The following UBA7 variants were observed in gnomAD, a reference collection of about 807,000 sequenced individuals.
UBA7 encodes ubiquitin-like modifier-activating enzyme 7.
UBA7 carries 88 observed loss-of-function variants against 113.0 expected under a neutral mutation model. The ratio of observed to expected loss-of-function variants is 0.78; its 90% CI spans 0.66 to 0.93. UBA7 has a LOEUF of 0.93. Among genes scored for constraint, UBA7 ranks in the 40% least tolerant of loss-of-function variants. UBA7 has a pLI of 0.00. For synonymous variants in UBA7, 459 were observed against 513.0 expected (o/e 0.89, Z 1.42); for missense variants, 1,092 against 1,266.4 (o/e 0.86, Z 2.09).
chr3:49,809,142 G>A lies in UBA7; in HGVS notation c.2181C>T (p.Tyr727=), dbSNP rs748462724. ...FDTNQDTHLL[Y]VLAAANLYAQ... ...CATACAGGTTGGCAGCTGCCAGTACGTAGAGGAGGTGTGTGTCCTGCAGCC... is the reference window on the plus strand; with the variant it reads ...CATACAGGTTGGCAGCTGCCAGTACATAGAGGAGGTGTGTGTCCTGCAGCC... Residue 727 remains tyrosine (Y), a synonymous_variant, in exon 18 of 24, where the codon TAC becomes TAT. Transcript: ENST00000333486. 1.3e-5 allele frequency: 21 copies of A among 1,612,096 alleles called. No individual in the cohort carries two copies. Among genetic ancestry groups the A allele is most frequent in the Middle Eastern group, 1.7e-4 (1 of 6,032 alleles).
At position 49,813,036 on chromosome 3, in the gene UBA7, T is replaced by C. The variant is rs375902482; in HGVS notation, c.467+26A>G. 4.8e-5 allele frequency: 77 copies of C among 1,605,606 alleles called. No homozygotes were observed. In the African/African-American group the frequency reaches 7.2e-4, roughly 15 times the overall value. ...AGGCCAGTTGCTGGCTGTAATATGG[T>C]AGGCTGGGCAGGCAGTCTTACTCAC... On this transcript the variant is annotated intron_variant, in intron 4 of 23. Coordinates refer to ENST00000333486, the MANE Select transcript of UBA7 (RefSeq NM_003335.3).
At chr3:49,809,251 C>T in intron 17 of UBA7, 92 bp from the exon 18 acceptor site, 1 of 1,537,472 alleles carries the variant, frequency 6.5e-7, no homozygotes, top group Non-Finnish European at 8.8e-7. Flanking sequence ...CCTGCCTTTG[C>T]CTCACATGTA....
rs765469809 is a variant in UBA7, at chr3:49,812,692, T to C, written c.514A>G (p.Thr172Ala). 2.6e-5 allele frequency: 42 copies of C among 1,614,016 alleles called. No individual in the cohort carries two copies. Among genetic ancestry groups the C allele is most frequent in the Non-Finnish European group, 3.4e-5 (40 of 1,180,036 alleles). ...FGEDFTVQDP[T>A]EAEPLTAAIQ... ...GCAGCTGTCAGGGGTTCTGCCTCTG[T>C]GGGGTCCTGCACAGTGAAGTCCTCA... Residue 172 changes from threonine (T) to alanine (A), a missense_variant, in exon 5 of 24, where the codon ACA becomes GCA. Thr to Ala is a moderately conservative substitution (Grantham distance 58). Coordinates refer to ENST00000333486, the MANE Select transcript of UBA7 (RefSeq NM_003335.3).
In UBA7 at chr3:49,810,095, G is replaced by A; in HGVS notation, c.1722C>T (p.Phe574=). ...TGTAGGCCTCAGTCACATGTGGCAT[G>A]AATACTGTAGCACTGCCCCAGGTGC... ...TSGTWGSATV[F]MPHVTEAYRA... The change falls in exon 14 of 24, where the codon TTC becomes TTT. Residue 574 remains phenylalanine, a synonymous_variant. Coordinates refer to ENST00000333486, the MANE Select transcript of UBA7 (RefSeq NM_003335.3). This position sits in a 1 kb window ranked among gnomAD's most constrained non-coding sequence, Gnocchi z 5.6. 6.2e-7 allele frequency: 1 copy of A among 1,612,994 alleles called. No individual in the cohort carries two copies. The highest frequency in any genetic ancestry group is 2.2e-5 in the East Asian group (1 of 44,878).
At chr3:49,806,205 C>A (rs774605010) in intron 21 of UBA7, 40 bp from the exon 22 acceptor site, 3 of 1,502,600 alleles carry the variant, frequency 2.0e-6, no homozygotes, top group African/African-American at 2.8e-5. Flanking sequence ...CTTCTTACCT[C>A]CCCCCAACCC....
At chr3:49,806,277 A>T in intron 21 of UBA7, 112 bp from the exon 22 acceptor site, 1,179 of 612,944 alleles carry the variant, frequency 1.9e-3, no homozygotes, top group East Asian at 3.6e-3. Context: ...AACAGGAGCC[A>T]GGGGGTGGGG....
Position 49,811,101 on chromosome 3 carries a change from G to A in UBA7, c.1123-10C>T. ...ACTTCCTGGAGATTGCCTAGGGGCAGCACTTCAGGCTGGGCACTCCTGCCA... is the reference window on the plus strand; with the variant it reads ...ACTTCCTGGAGATTGCCTAGGGGCAACACTTCAGGCTGGGCACTCCTGCCA... On this transcript the variant is annotated splice_polypyrimidine_tract_variant and intron_variant, in intron 9 of 23. Coordinates refer to ENST00000333486, the MANE Select transcript of UBA7 (RefSeq NM_003335.3). 1 of 1,613,426 alleles carries A rather than the reference G, an allele frequency of 6.2e-7. No individual in the cohort carries two copies. The highest frequency in any genetic ancestry group is 1.7e-4 in the Middle Eastern group (1 of 6,056).
chr3:49,811,386 GT>G lies in UBA7; in HGVS notation c.1008del (p.Leu337TrpfsTer9). ...LEPLKRTEEE[P>X]LEEPLDEALV... ...AGGGCCTCATCCAGTGGCTCTTCCAGTGGCTCTTCCTCTGTCCGCTTCAGTG... is the reference window on the plus strand; with the variant it reads ...AGGGCCTCATCCAGTGGCTCTTCCAGGGCTCTTCCTCTGTCCGCTTCAGTG... On this transcript the variant is annotated frameshift_variant, in exon 9 of 24. Coordinates refer to ENST00000333486, the MANE Select transcript of UBA7 (RefSeq NM_003335.3). LOFTEE classifies it high-confidence loss of function. 6.8e-6 allele frequency: 11 copies of G among 1,613,504 alleles called. No individual in the cohort carries two copies. The highest frequency in any genetic ancestry group is 9.3e-6 in the Non-Finnish European group (11 of 1,179,764).
chr3:49,810,746 G>A lies in UBA7; in HGVS notation c.1311+6C>T. Reference sequence around the variant, plus strand: ...AAGGCACCCCCAGTCTCACCCCACAGCTCACCAGGAGGTAGTGCTGGCGTC... The same window carrying A: ...AAGGCACCCCCAGTCTCACCCCACAACTCACCAGGAGGTAGTGCTGGCGTC... On this transcript the variant is annotated splice_donor_region_variant and intron_variant, in intron 11 of 23. Transcript: ENST00000333486. The surrounding 1 kb of genome is among the most constrained non-coding windows in gnomAD (Gnocchi z 5.6). The A allele has an allele frequency of 6.2e-7, 1 of 1,614,140 alleles. No homozygotes were observed. Among genetic ancestry groups the A allele is most frequent in the Non-Finnish European group, 8.5e-7 (1 of 1,180,010 alleles).
chr3:49,806,276 C>G (rs1488550551), intron 21 of UBA7, 111 bp from the exon 22 acceptor site: 2 of 974,328 alleles, frequency 2.1e-6, no homozygotes, highest in East Asian at 2.6e-5. Context: ...AAACAGGAGC[C>G]AGGGGGTGGG....
At position 49,809,734 on chromosome 3, in the gene UBA7, A is replaced by T; in HGVS notation, c.1905-9T>A. On this transcript the variant is annotated splice_polypyrimidine_tract_variant and intron_variant, in intron 15 of 23. Transcript: ENST00000333486. ...CCAGGGAAGTGTGTGCCCTGCAGAG[A>T]GAGGAGGAAGTGTGAGACTGAGTCC... 1.2e-6 allele frequency: 2 copies of T among 1,614,000 alleles called. No individual in the cohort carries two copies. The highest frequency in any genetic ancestry group is 2.7e-5 in the African/African-American group (2 of 74,992).
chr3:49,813,740 T>G lies in UBA7; in HGVS notation c.48A>C (p.Ser16=). Residue 16 remains serine (S), a synonymous_variant, in exon 1 of 24, where the codon TCA becomes TCC. Transcript: ENST00000333486. ...ASKLLDEELY[S]RQLYVLGSPA... The stretch of plus-strand genomic sequence containing the variant: ...CCCACCTCGGGCCTCACAGCTGTCT[T>G]GAATACAGCTCCTCATCCAGTAGCT... 6.2e-7 allele frequency: 1 copy of G among 1,614,230 alleles called. No homozygotes were observed. Among genetic ancestry groups the G allele is most frequent in the Non-Finnish European group, 8.5e-7 (1 of 1,180,036 alleles).
rs1235621464 is a variant in UBA7, at chr3:49,809,636, T to G, written c.1994A>C (p.Asn665Thr). ...VLGVLRVRPQNWQDCVAWALG... is the reference protein window; with the variant it reads ...VLGVLRVRPQTWQDCVAWALG... ...AGCCCACGCCACACAGTCTTGCCAGTTCTGTGGACGCACTCTCAGGACCCC... is the reference window on the plus strand; with the variant it reads ...AGCCCACGCCACACAGTCTTGCCAGGTCTGTGGACGCACTCTCAGGACCCC... The change falls in exon 16 of 24, where the codon AAC becomes ACC. Residue 665 changes from asparagine to threonine, a missense_variant. This residue lies in a region of UBA7 where 500 missense variants were observed against 529.3 expected (regional missense o/e 0.94). Transcript: ENST00000333486. The G allele has an allele frequency of 1.9e-6, 3 of 1,614,092 alleles. No homozygotes were observed. The highest frequency in any genetic ancestry group is 2.5e-6 in the Non-Finnish European group (3 of 1,180,038).
rs765757956 is a variant in UBA7 at position 49,810,993 on chromosome 3, G to A, written c.1221C>T (p.Asp407=). The change falls in exon 10 of 24, where the codon GAC becomes GAT. Residue 407 remains aspartate, a synonymous_variant. Transcript: ENST00000333486. This position sits in a 1 kb window ranked among gnomAD's most constrained non-coding sequence, Gnocchi z 5.6. The stretch of plus-strand genomic sequence containing the variant: ...TATCCCAGGCTCTCACCAGGGCACA[G>A]TCCTCAGGACTGGGAAGGAGCTCCC... ...EDGELLPSPE[D]CALRGSRYDG... 1 of 1,614,158 alleles carries A rather than the reference G, an allele frequency of 6.2e-7. No individual in the cohort carries two copies. Among genetic ancestry groups the A allele is most frequent in the Non-Finnish European group, 8.5e-7 (1 of 1,180,012 alleles).
intron 14 of UBA7, 41 bp from the exon 15 acceptor site, chr3:49,809,920 C>T: frequency 6.2e-7 from 1 of 1,614,152 alleles, no homozygotes; most frequent in South Asian, 1.1e-5. Context: ...AGGTGGAGAA[C>T]AGGTCTGCAG....
Position 49,809,967 on chromosome 3 carries a change from G to T in UBA7, c.1839+11C>A, listed in dbSNP as rs191072140. 9.9e-4 allele frequency: 1,603 copies of T among 1,613,976 alleles called. 3 individuals carry two copies. The highest frequency in any genetic ancestry group is 1.1e-3 in the Non-Finnish European group (1,265 of 1,179,960). Reference sequence around the variant, plus strand: ...GCTGGGTGGGGTGGGAGTCTCCAGGGTGCTTCCTACCTGCAGGGTGTGCTC... The same window carrying T: ...GCTGGGTGGGGTGGGAGTCTCCAGGTTGCTTCCTACCTGCAGGGTGTGCTC... On this transcript the variant is annotated intron_variant, in intron 14 of 23. Coordinates refer to ENST00000333486, the MANE Select transcript of UBA7 (RefSeq NM_003335.3).
chr3:49,808,016 T>C lies in UBA7; in HGVS notation c.2523+4A>G. On this transcript the variant is annotated splice_donor_region_variant and intron_variant, in intron 20 of 23. Transcript: ENST00000333486. The stretch of plus-strand genomic sequence containing the variant: ...CAGGCCCAAGCCTCAAGGGGTGGGG[T>C]TACCTGGGCACGGTTGACCGGTGGA... 1.2e-6 allele frequency: 2 copies of C among 1,614,072 alleles called. No individual in the cohort carries two copies. The highest frequency in any genetic ancestry group is 1.7e-5 in the Admixed American group (1 of 60,002).
intron 6 of UBA7, 63 bp from the exon 7 acceptor site, chr3:49,812,269 C>T: frequency 6.2e-7 from 1 of 1,611,282 alleles, no homozygotes; most frequent in South Asian, 1.1e-5. Flanking sequence ...ACACCCCATC[C>T]TATCTTGCAT....
intron 19 of UBA7, 52 bp downstream of exon 19, chr3:49,808,334 C>G: frequency 6.2e-7 from 1 of 1,610,534 alleles, no homozygotes; most frequent in African/African-American, 1.3e-5. Flanking sequence ...AGCTCCTGAC[C>G]TTTCTCCACA....
Sources: allele counts gnomAD v4.1 joint callset, GRCh38; gene constraint gnomAD v4.1.1; regional missense constraint gnomAD v4.1.1; non-coding constraint Gnocchi (gnomAD v3.1); transcripts MANE v1.5; gene names NCBI Gene and HGNC (gene_info 2026-07-23, HGNC 2026-07-21).